Variants in PIEZO1 observed in about 807,000 individuals in gnomAD.
PIEZO1 encodes the protein piezo type mechanosensitive ion channel component 1 (Er blood group), also known as piezo-type mechanosensitive ion channel component 1.
In PIEZO1, 296 loss-of-function variants were observed where a neutral mutation model predicts 297.2. The ratio of observed to expected loss-of-function variants is 1.00; its 90% confidence interval spans 0.91 to 1.10. The LOEUF (loss-of-function observed/expected upper bound fraction) is 1.10, where lower values mean the gene tolerates loss of function less well. PIEZO1 is among the 50% of genes least tolerant of loss of function. The probability of loss-of-function intolerance (pLI) is 0.00; values close to 1 mark genes in which losing one functional copy is unlikely to be tolerated. For synonymous variants in PIEZO1, 2,427 were observed against 1,507.5 expected, an observed-to-expected ratio of 1.61 and a Z score of -14.13; for missense variants, 5,018 against 3,455.5, an observed-to-expected ratio of 1.45 and a Z score of -11.34.
Position 88,716,066 on chromosome 16 carries a change from C to A in PIEZO1, c.7183G>T (p.Ala2395Ser). ...CATTCGAGGAAGCCGGTGGCCCCCG[C>A]ACCCTGCTCCCTCCGCAGCTGGATA... is the stretch of plus-strand genomic sequence containing the variant. ...VRIQLRREQG[A>S]GATGFLEWWV... Residue 2395 changes from alanine (A) to serine (S), a missense_variant, in exon 50 of 51, where the codon GCG becomes TCG. By Grantham distance (99) the Ala-to-Ser change is moderately conservative (BLOSUM62 1). Coordinates refer to ENST00000301015, the MANE Select transcript of PIEZO1 (RefSeq NM_001142864.4). 3.2e-6 allele frequency: 5 copies of A among 1,550,098 alleles called. No individual in the cohort carries two copies. Among genetic ancestry groups the A allele is most frequent in the Non-Finnish European group, 4.4e-6 (5 of 1,146,816 alleles).
chr16:88,749,081 CAAA>C (rs751571390), intron 2 of PIEZO1, among the ~76,000 whole-genome samples: 8 of 147,810 alleles, frequency 5.4e-5, no homozygotes, highest in South Asian at 2.1e-4. Flanking sequence ...ACTAAAAATA[CAAA>C]AAAAAATAAG....
intron 2 of PIEZO1, chr16:88,743,495 C>T (rs777080917): frequency 2.2e-6 from 1 of 453,842 alleles, no homozygotes; most frequent in South Asian, 1.6e-5. Flanking sequence ...GGACAGGTAG[C>T]ATCTGGGTCT....
Position 88,736,162 on chromosome 16 carries a change from C to A in PIEZO1, c.1543G>T (p.Asp515Tyr), listed in dbSNP as rs1041637926. ...TGCACACTCACCATGGCACCAAGGT[C>A]CAGACAGGGGTAGCGGGTGTGCTCC... is the stretch of plus-strand genomic sequence containing the variant. Reference protein sequence around the residue: ...GLEHTRYPCLDLGAMLLYTLT... With the variant: ...GLEHTRYPCLYLGAMLLYTLT... The change falls in exon 12 of 51, where the codon GAC (aspartate) becomes TAC (tyrosine). Residue 515 changes from aspartate to tyrosine, a missense_variant. Asp to Tyr is a radical substitution (Grantham distance 160). Transcript: ENST00000301015. 2.6e-6 allele frequency: 4 copies of A among 1,546,616 alleles called. No individual in the cohort carries two copies. The highest frequency in any genetic ancestry group is 2.6e-6 in the Non-Finnish European group (3 of 1,145,234).
At chr16:88,774,906 A>C (rs1429539705) in intron 1 of PIEZO1, among the ~76,000 whole-genome samples, 1 of 152,210 alleles carries the variant, frequency 6.6e-6, no homozygotes, top group Non-Finnish European at 1.5e-5. Flanking sequence ...CCTGGGAATT[A>C]ACCCCAGAGG....
At chr16:88,743,801 A>C in intron 2 of PIEZO1, 2 of 387,018 alleles carry the variant, frequency 5.2e-6, no homozygotes, top group South Asian at 3.8e-5. Flanking sequence ...TCTCACACTC[A>C]CACCTTCCTA....
Position 88,749,492 on chromosome 16 carries a change from G to A in PIEZO1, c.65-13C>T, listed in dbSNP as rs1442829752. The A allele has an allele frequency of 1.3e-6, 2 of 1,521,150 alleles. No individual in the cohort carries two copies. Among genetic ancestry groups the A allele is most frequent in the African/African-American group, 2.8e-5 (2 of 72,196 alleles). The allele number at this position is 1,521,150 out of a possible 1,614,324, so 94.2% of individuals were successfully genotyped here. A position where few individuals can be genotyped will look rare whatever the true frequency, so the allele number is the denominator to read the frequency against. On this transcript the variant is annotated splice_polypyrimidine_tract_variant and intron_variant, in intron 1 of 50. Transcript: ENST00000301015. The stretch of plus-strand genomic sequence containing the variant: ...CGGAGCAGGCAGGCTGCGGGGAGAT[G>A]GGCGTTAACTAGGTCGCCAACAGAG...
At chr16:88,784,831 G>T in intron 1 of PIEZO1, 70 bp downstream of exon 1, 1 of 1,137,892 alleles carries the variant, frequency 8.8e-7, no homozygotes, top group South Asian at 1.6e-5. Context: ...GGCGTCGTCC[G>T]GTGTCCAGGC....
In PIEZO1 at chr16:88,736,186, C is replaced by T; in HGVS notation, c.1519G>A (p.Glu507Lys). 3.2e-6 allele frequency: 5 copies of T among 1,549,180 alleles called. No homozygotes were observed. The highest frequency in any genetic ancestry group is 1.2e-5 in the South Asian group (1 of 83,976). Residue 507 changes from glutamate (E) to lysine (K), a missense_variant, in exon 12 of 51, where the codon GAG (glutamate) becomes AAG (lysine). Glu to Lys is a moderately conservative substitution (Grantham distance 56). Transcript: ENST00000301015. ...GPVSLRQLGL[E>K]HTRYPCLDLG... ...TCCAGACAGGGGTAGCGGGTGTGCT[C>T]CAGCCCCAGCTGGCGCAGGCTGACG...
At chr16:88,722,712 CAG>C in intron 34 of PIEZO1, 23 bp from the exon 35 acceptor site, 1 of 1,533,630 alleles carries the variant, frequency 6.5e-7, no homozygotes, top group Non-Finnish European at 8.7e-7. Context: ...GCAGGGGGCT[CAG>C]GGCTGCGTCC....
chr16:88,721,030 T>G (rs1259396704), intron 39 of PIEZO1, 136 bp downstream of exon 39: 5 of 954,212 alleles, frequency 5.2e-6, no homozygotes, highest in Non-Finnish European at 7.6e-6. Flanking sequence ...GAGCTGTGGC[T>G]CAGAAGTGGC....
chr16:88,784,396 G>C (rs1025934017), intron 1 of PIEZO1, among the ~76,000 whole-genome samples: 2 of 152,230 alleles, frequency 1.3e-5, no homozygotes, highest in Non-Finnish European at 2.9e-5. Flanking sequence ...GGGCACGGAC[G>C]TTCGTTGGGC....
chr16:88,718,187 A>G, intron 44 of PIEZO1: 1 of 163,350 alleles, frequency 6.1e-6, no homozygotes, highest in Admixed American at 6.2e-5. Context: ...AACTGAGAAG[A>G]GCCCACAGCA....
chr16:88,720,190 T>C lies in PIEZO1; in HGVS notation c.6043A>G (p.Met2015Val). 1 of 1,550,512 alleles carries C rather than the reference T, an allele frequency of 6.4e-7. No homozygotes were observed. Among genetic ancestry groups the C allele is most frequent in the South Asian group, 1.2e-5 (1 of 84,066 alleles). The change falls in exon 42 of 51, where the codon ATG (methionine) becomes GTG (valine). Residue 2015 changes from methionine (M) to valine (V), a missense_variant. Transcript: ENST00000301015. Reference protein sequence around the residue: ...LVMLLIQFSTMVVDRALYLRK... With the variant: ...LVMLLIQFSTVVVDRALYLRK... ...AGGTAGAGGGCGCGGTCAACCACCATGGTACTGAACTGGATCAGCAGCATG... is the reference window on the plus strand; with the variant it reads ...AGGTAGAGGGCGCGGTCAACCACCACGGTACTGAACTGGATCAGCAGCATG...
intron 30 of PIEZO1, 99 bp from the exon 31 acceptor site, chr16:88,724,070 C>G: frequency 1.4e-6 from 1 of 719,576 alleles, no homozygotes; most frequent in Non-Finnish European, 2.4e-6. Flanking sequence ...GCCACCCTTC[C>G]CATGCGGAGT....
intron 12 of PIEZO1, 101 bp from the exon 13 acceptor site, chr16:88,735,347 A>G: frequency 1.2e-6 from 1 of 830,680 alleles, no homozygotes. Context: ...AAGAGCTCTC[A>G]GGCGGCTGGC....
rs546338962 is a variant in PIEZO1 at position 88,716,689 on chromosome 16, C to G, written c.6796G>C (p.Val2266Leu). The change falls in exon 47 of 51, where the codon GTC (valine) becomes CTC (leucine). Residue 2266 changes from valine (V) to leucine (L), a missense_variant. By Grantham distance (32) the Val-to-Leu change is conservative. Coordinates refer to ENST00000301015, the MANE Select transcript of PIEZO1 (RefSeq NM_001142864.4). ...FISQYSPEDI[V>L]TAQIEGSSGA... Reference sequence around the variant, plus strand: ...GAGCTGCCCTCAATCTGCGCCGTGACGATGTCCTCAGGGCTGTACTGGCTG... The same window carrying G: ...GAGCTGCCCTCAATCTGCGCCGTGAGGATGTCCTCAGGGCTGTACTGGCTG... The G allele has an allele frequency of 9.7e-6, 15 of 1,548,846 alleles. No homozygotes were observed. Among genetic ancestry groups the G allele is most frequent in the Non-Finnish European group, 1.3e-5 (15 of 1,146,934 alleles).
At chr16:88,736,077 C>G in intron 12 of PIEZO1, 71 bp downstream of exon 12, 1 of 1,420,522 alleles carries the variant, frequency 7.0e-7, no homozygotes, top group Non-Finnish European at 9.4e-7. Context: ...GGCAAGTGGA[C>G]ATTGAACAGG....
intron 1 of PIEZO1, among the ~76,000 whole-genome samples, chr16:88,764,068 A>C (rs1464434802): frequency 2.0e-5 from 3 of 152,154 alleles, no homozygotes; most frequent in African/African-American, 7.2e-5. Flanking sequence ...CTGGGTCCTC[A>C]GGGAAGGCTT....
chr16:88,747,764 G>C (rs1906140811), intron 2 of PIEZO1, among the ~76,000 whole-genome samples: 2 of 152,228 alleles, frequency 1.3e-5, no homozygotes, highest in South Asian at 4.1e-4. Flanking sequence ...CTTAAACCAG[G>C]GAAGTCGGCC....
Sources: allele counts gnomAD v4.1 joint callset (sites outside exome capture counted in the v4.1 genomes callset), GRCh38; gene constraint gnomAD v4.1.1; transcripts MANE v1.5; gene names NCBI Gene and HGNC (gene_info 2026-07-23, HGNC 2026-07-21).